TCF3: variants seen among roughly 807,000 people sequenced by gnomAD.
The protein encoded by TCF3 is transcription factor 3.
A neutral mutation model predicts 72.3 loss-of-function variants in TCF3; 54 were observed. The observed-to-expected ratio is 0.75, with a 90% CI of 0.60 to 0.94. TCF3 has a LOEUF of 0.94. TCF3 is among the 40% of genes least tolerant of loss of function. The pLI is 0.00. For synonymous variants in TCF3, 525 were observed against 412.6 expected, an observed-to-expected ratio of 1.27 and a Z score of -3.30; for missense variants, 1,078 against 934.4, an observed-to-expected ratio of 1.15 and a Z score of -2.00.
At position 1,650,301 on chromosome 19, in the gene TCF3, G is replaced by A; in HGVS notation, c.-39-14C>T. The A allele has an allele frequency of 1.3e-6, 2 of 1,514,092 alleles. No individual in the cohort carries two copies. The highest frequency in any genetic ancestry group is 1.8e-6 in the Non-Finnish European group (2 of 1,121,246). The allele number at this position is 1,514,092 out of a possible 1,614,324, so 93.8% of individuals were successfully genotyped here. A position where few individuals can be genotyped will look rare whatever the true frequency, so the allele number is the denominator to read the frequency against. On this transcript the variant is annotated splice_polypyrimidine_tract_variant and intron_variant, in intron 1 of 18. Transcript: ENST00000262965. ...GGCCTGGAAACCCTGCTTGGTGGAT[G>A]TGGGGACAGATGGACAGGGAGAAAC...
Position 1,611,745 on chromosome 19 carries a change from C to G in TCF3, c.1927G>C (p.Gly643Arg). The stretch of plus-strand genomic sequence containing the variant: ...GCGGGGTTGTGGGCTTCGCTCAGGC[C>G]TGGGTGGGGAGCTGAAAGCACCATC... ...PQMVLSAPHP[G>R]LSEAHNPAGH... Residue 643 changes from glycine to arginine, a missense_variant, in exon 19 of 19, where the codon GGC becomes CGC. Coordinates refer to ENST00000262965, the MANE Select transcript of TCF3 (RefSeq NM_003200.5). 6.2e-7 allele frequency: 1 copy of G among 1,613,818 alleles called. No individual in the cohort carries two copies.
At chr19:1,630,703 A>T (rs1376824895) in intron 5 of TCF3, among the ~76,000 whole-genome samples, 1 of 151,098 alleles carries the variant, frequency 6.6e-6, no homozygotes, top group Non-Finnish European at 1.5e-5. Context: ...TCCCAGGATG[A>T]CTGAGGGATG....
rs942442522 is a variant in TCF3, at chr19:1,627,467, G to A, written c.299-41C>T. ...GAAGGTTAGTGGGAGGCGACCCCAA[G>A]GAACATCCTGAGGGCCCCCGAGTGC... On this transcript the variant is annotated intron_variant, in intron 5 of 18. Coordinates refer to ENST00000262965, the MANE Select transcript of TCF3 (RefSeq NM_003200.5). 3 of 1,598,596 alleles carry A rather than the reference G, an allele frequency of 1.9e-6. No homozygotes were observed. The African/African-American group carries it at 4.0e-5, about 21-fold the overall frequency.
chr19:1,625,060 T>C (rs1248445031), intron 7 of TCF3, among the ~76,000 whole-genome samples: 3 of 152,232 alleles, frequency 2.0e-5, no homozygotes, highest in Non-Finnish European at 4.4e-5. Flanking sequence ...TTGCCCAGAA[T>C]GGTTTGCAAC....
rs1255948015 is a variant in TCF3 at position 1,615,906 on chromosome 19, G to C, written c.1451-85C>G. The C allele has an allele frequency of 2.1e-6, 3 of 1,442,016 alleles. No homozygotes were observed. The highest frequency in any genetic ancestry group is 2.7e-6 in the Non-Finnish European group (3 of 1,095,948). The allele number at this position is 1,442,016 out of a possible 1,614,324, so 89.3% of individuals were successfully genotyped here. ...TTTGTGCTCCTGTGGTGAGGGACTT[G>C]GGCTTTCCTGGAAAAACCAGGTCTT... On this transcript the variant is annotated intron_variant, in intron 16 of 18. Coordinates refer to ENST00000262965, the MANE Select transcript of TCF3 (RefSeq NM_003200.5). The surrounding 1 kb of genome is among the most constrained non-coding windows in gnomAD (Gnocchi z 7.3).
chr19:1,621,875 G>A lies in TCF3; in HGVS notation c.918C>T (p.Ser306=), dbSNP rs773022568. 1 of 1,594,418 alleles carries A rather than the reference G, an allele frequency of 6.3e-7. No homozygotes were observed. Among genetic ancestry groups the A allele is most frequent in the Non-Finnish European group, 8.5e-7 (1 of 1,172,340 alleles). The change falls in exon 11 of 19, where the codon AGC becomes AGT. Residue 306 remains serine (S), a synonymous_variant. Transcript: ENST00000262965. ...APGATYGGVS[S]HTPPVSGADS... ...CGGCCCCGCTGACAGGCGGCGTGTG[G>A]CTGGAGACGCCGCCGTACGTGGCTC... is the stretch of plus-strand genomic sequence containing the variant.
chr19:1,620,919 C>A (rs766063050), intron 13 of TCF3, 49 bp downstream of exon 13: 17 of 1,420,860 alleles, frequency 1.2e-5, no homozygotes, highest in Non-Finnish European at 1.6e-5. Flanking sequence ...CCCCTCCCCC[C>A]AAACCCTCAC....
chr19:1,613,062 C>T (rs928030071), intron 18 of TCF3, among the ~76,000 whole-genome samples: 3 of 150,806 alleles, frequency 2.0e-5, no homozygotes, highest in African/African-American at 7.3e-5. Context: ...GTGTCGGGCA[C>T]AGCAATGCAG....
At chr19:1,646,119 C>G (rs139788281) in intron 3 of TCF3, among the ~76,000 whole-genome samples, 1 of 152,134 alleles carries the variant, frequency 6.6e-6, no homozygotes, top group African/African-American at 2.4e-5. Flanking sequence ...AGGCTCCAGG[C>G]GCGGGAGGGA....
chr19:1,610,760 G>A lies in TCF3; in HGVS notation c.*947C>T, dbSNP rs2060921987. ...CGTCCCTTCCCCCAAGCCCAGGTCA[G>A]TCCCCTTCCTGAGGGGAGAGGATGC... On this transcript the variant is annotated 3_prime_UTR_variant, in exon 19 of 19. Transcript: ENST00000262965. The A allele has an allele frequency of 4.3e-6, 1 of 232,152 alleles. No homozygotes were observed. The highest frequency in any genetic ancestry group is 5.6e-5 in the Admixed American group (1 of 17,752). The allele number at this position is 232,152 out of a possible 1,614,324, so 14.4% of individuals were successfully genotyped here.
At chr19:1,627,484 C>T (rs2063034073) in intron 5 of TCF3, 58 bp from the exon 6 acceptor site, 18 of 1,527,854 alleles carry the variant, frequency 1.2e-5, no homozygotes, top group Non-Finnish European at 1.5e-5. Flanking sequence ...CCTGAGGGCC[C>T]CCGAGTGCCT....
chr19:1,610,224 G>A lies in TCF3; in HGVS notation c.*1483C>T, dbSNP rs562791104. On this transcript the variant is annotated 3_prime_UTR_variant, in exon 19 of 19. Coordinates refer to ENST00000262965, the MANE Select transcript of TCF3 (RefSeq NM_003200.5). ...TGCTGGTTCTGCAGCAGGGTCGGAC[G>A]CACAGCCCAAGGCCTTCGTGGGGCT... 5.9e-4 allele frequency: 137 copies of A among 231,944 alleles called. No homozygotes were observed. Among genetic ancestry groups the A allele is most frequent in the African/African-American group, 2.2e-3 (101 of 45,338 alleles). The allele number at this position is 231,944 out of a possible 1,614,324, so 14.4% of individuals were successfully genotyped here.
At position 1,611,724 on chromosome 19, in the gene TCF3, G is replaced by T. The variant is rs7252811; in HGVS notation, c.1948C>A (p.Pro650Thr). 1.9e-4 allele frequency: 301 copies of T among 1,613,622 alleles called. 1 individual carries two copies. The East Asian group carries it at 5.4e-3, about 29-fold the overall frequency. Residue 650 changes from proline to threonine, a missense_variant, in exon 19 of 19, where the codon CCC (proline) becomes ACC (threonine). By Grantham distance (38) the Pro-to-Thr change is conservative (BLOSUM62 -1). Transcript: ENST00000262965. Reference sequence around the variant, plus strand: ...CATACCTTTCACATGTGCCCGGCGGGGTTGTGGGCTTCGCTCAGGCCTGGG... The same window carrying T: ...CATACCTTTCACATGTGCCCGGCGGTGTTGTGGGCTTCGCTCAGGCCTGGG... Reference protein sequence around the residue: ...PHPGLSEAHNPAGHM With the variant: ...PHPGLSEAHNTAGHM
At chr19:1,623,375 C>A (rs910818612) in intron 8 of TCF3, among the ~76,000 whole-genome samples, 7 of 150,148 alleles carry the variant, frequency 4.7e-5, no homozygotes, top group Non-Finnish European at 8.9e-5. Flanking sequence ...AATTGCGGCA[C>A]CCCCCGCTTT....
intron 18 of TCF3, among the ~76,000 whole-genome samples, chr19:1,613,022 G>A (rs1316163039): frequency 6.6e-6 from 1 of 151,094 alleles, no homozygotes; most frequent in Non-Finnish European, 1.5e-5. Context: ...CACAGCTGGT[G>A]TCAGGCACTG....
Position 1,609,979 on chromosome 19 carries a change from G to A in TCF3, c.*1728C>T, listed in dbSNP as rs1190170443. On this transcript the variant is annotated 3_prime_UTR_variant, in exon 19 of 19. Transcript: ENST00000262965. ...CATGAAGGGCACATGAAGGCCCCCA[G>A]CTAGCCAGGCCCACACCTGGGTGCC... 4 of 232,866 alleles carry A rather than the reference G, an allele frequency of 1.7e-5. No individual in the cohort carries two copies. The highest frequency in any genetic ancestry group is 1.8e-4 in the South Asian group (1 of 5,534). 14.4% of individuals were successfully genotyped at this position (232,866 alleles called of 1,614,324 possible).
At chr19:1,642,263 C>G (rs1344713541) in intron 3 of TCF3, among the ~76,000 whole-genome samples, 2 of 151,858 alleles carry the variant, frequency 1.3e-5, no homozygotes, top group Non-Finnish European at 2.9e-5. Flanking sequence ...CGTGCGCACA[C>G]ACGCACGCAC....
At chr19:1,642,190 ACACAGACG>A (rs1447695820) in intron 3 of TCF3, among the ~76,000 whole-genome samples, 11 of 145,776 alleles carry the variant, frequency 7.5e-5, no homozygotes, top group South Asian at 2.3e-4. Context: ...ACGCACGCAG[ACACAGACG>A]CAGACACGCA....
chr19:1,641,993 T>A lies in TCF3; in HGVS notation c.145+4362A>T, dbSNP rs927468652. On this transcript the variant is annotated intron_variant, in intron 3 of 18. Transcript: ENST00000262965. The stretch of plus-strand genomic sequence containing the variant: ...CCAGAACTTCAAGGCTACAGTCAGT[T>A]ATGATCACACCACTGCACTCCAGTC... 2.0e-5 allele frequency among the ~76,000 whole-genome samples: 3 copies of A among 151,882 alleles called. No individual in the cohort carries two copies. In the South Asian group the frequency reaches 6.2e-4, roughly 31 times the overall value.
Sources: allele counts gnomAD v4.1 joint callset (sites outside exome capture counted in the v4.1 genomes callset), GRCh38; gene constraint gnomAD v4.1.1; non-coding constraint Gnocchi (gnomAD v3.1); transcripts MANE v1.5; gene names NCBI Gene and HGNC (gene_info 2026-07-23, HGNC 2026-07-21).